Variants in STXBP5L observed in about 807,000 individuals in gnomAD.
STXBP5L encodes syntaxin binding protein 5L, also known as syntaxin-binding protein 5-like.
Under a neutral mutation model 144.5 loss-of-function variants are expected in STXBP5L, and 65 were observed. That is an observed-to-expected ratio of 0.45 (90% CI 0.37 to 0.55). STXBP5L has a LOEUF of 0.55. Ranked by LOEUF, STXBP5L falls within the 20% of genes least tolerant of loss-of-function variation. STXBP5L has a pLI of 0.00. For missense variants in STXBP5L, 1,298 were observed against 1,405.5 expected, an observed-to-expected ratio of 0.92 and a Z score of 1.22; for synonymous variants, 505 against 469.6, an observed-to-expected ratio of 1.08 and a Z score of -0.97.
chr3:121,000,485 C>G (rs1337864772), intron 3 of STXBP5L, among the ~76,000 whole-genome samples: 1 of 152,052 alleles, frequency 6.6e-6, no homozygotes, highest in East Asian at 1.9e-4. Context: ...TCTTAAATGG[C>G]TATTTCATCT....
intron 3 of STXBP5L, among the ~76,000 whole-genome samples, chr3:120,998,629 G>C (rs1488321841): frequency 6.6e-6 from 1 of 151,984 alleles, no homozygotes; most frequent in African/African-American, 2.4e-5. Flanking sequence ...GAGAACACGT[G>C]GTGTTTGGTT....
chr3:121,066,115 GCA>G (rs1311073709), intron 5 of STXBP5L, among the ~76,000 whole-genome samples: 3 of 152,108 alleles, frequency 2.0e-5, no homozygotes, highest in Admixed American at 1.3e-4. Flanking sequence ...CAGGTCCCGT[GCA>G]CACTCAAGGG....
chr3:121,081,700 C>T (rs1305053482), intron 5 of STXBP5L, among the ~76,000 whole-genome samples: 1 of 152,052 alleles, frequency 6.6e-6, no homozygotes, highest in Non-Finnish European at 1.5e-5. Flanking sequence ...GGTGGTATTC[C>T]TGGCTAGGCA....
chr3:121,012,026 A>G (rs924425285), intron 3 of STXBP5L, among the ~76,000 whole-genome samples: 2 of 152,050 alleles, frequency 1.3e-5, no homozygotes, highest in Non-Finnish European at 1.5e-5. Context: ...CTGTCTATAT[A>G]GATTTCCTTA....
intron 5 of STXBP5L, among the ~76,000 whole-genome samples, chr3:121,077,291 TTGG>T (rs1171486009): frequency 6.6e-6 from 1 of 152,036 alleles, no homozygotes; most frequent in African/African-American, 2.4e-5. Flanking sequence ...GTGTCCAGAA[TTGG>T]TGGGTTCTTG....
At chr3:120,983,309 G>T (rs1295270836) in intron 3 of STXBP5L, among the ~76,000 whole-genome samples, 1 of 152,084 alleles carries the variant, frequency 6.6e-6, no homozygotes, top group African/African-American at 2.4e-5. Flanking sequence ...TGTATATCGG[G>T]GCAGGCGTCT....
At chr3:121,308,898 G>A (rs968819965) in intron 19 of STXBP5L, among the ~76,000 whole-genome samples, 1 of 152,042 alleles carries the variant, frequency 6.6e-6, no homozygotes, top group Non-Finnish European at 1.5e-5. Flanking sequence ...TAACATTTCT[G>A]TATCTCACTG....
chr3:121,367,790 CTT>C (rs200992044), intron 20 of STXBP5L, among the ~76,000 whole-genome samples: 25 of 106,284 alleles, frequency 2.4e-4, no homozygotes, highest in Non-Finnish European at 2.6e-4. Flanking sequence ...TTTGCTTTTC[CTT>C]TTTTTTTTTT....
chr3:121,076,619 C>A (rs2042029728), intron 5 of STXBP5L, among the ~76,000 whole-genome samples: 1 of 152,086 alleles, frequency 6.6e-6, no homozygotes, highest in Non-Finnish European at 1.5e-5. Flanking sequence ...GGTGACCACC[C>A]AAAACACTCG....
intron 22 of STXBP5L, among the ~76,000 whole-genome samples, chr3:121,405,606 T>C (rs1016949750): frequency 3.0e-4 from 45 of 152,132 alleles, no homozygotes; most frequent in African/African-American, 1.0e-3. Flanking sequence ...TCCTAATTAA[T>C]TAAGATCTTA....
intron 3 of STXBP5L, among the ~76,000 whole-genome samples, chr3:120,960,953 T>A (rs1365193499): frequency 6.6e-6 from 1 of 152,104 alleles, no homozygotes; most frequent in Non-Finnish European, 1.5e-5. Context: ...GGTCTTGGGA[T>A]TTTCTTTGGT....
rs542281892 is a variant in STXBP5L, at chr3:120,979,189, G to A, written c.287+24152G>A. Among the ~76,000 whole-genome samples the A allele has an allele frequency of 2.0e-5, 3 of 152,334 alleles. No homozygotes were observed. In the South Asian group the frequency reaches 6.2e-4, roughly 32 times the overall value. ...GGCAGGCAGGCCTCCTTGAGCTGTGGTGGGCTTCCCCCAGTTGGAGCTTCC... is the reference window on the plus strand; with the variant it reads ...GGCAGGCAGGCCTCCTTGAGCTGTGATGGGCTTCCCCCAGTTGGAGCTTCC... On this transcript the variant is annotated intron_variant, in intron 3 of 26. Coordinates refer to ENST00000471454, the MANE Select transcript of STXBP5L (RefSeq NM_001308330.2).
chr3:120,928,951 G>A (rs1411881300), intron 2 of STXBP5L, among the ~76,000 whole-genome samples: 1 of 152,096 alleles, frequency 6.6e-6, no homozygotes, highest in Admixed American at 6.6e-5. Context: ...ACCCACCATC[G>A]TTTGTATTTG....
intron 3 of STXBP5L, among the ~76,000 whole-genome samples, chr3:120,968,548 A>G (rs1467322563): frequency 2.0e-5 from 3 of 152,186 alleles, no homozygotes; most frequent in Admixed American, 2.0e-4. Context: ...TTAAAAATCC[A>G]TTCAGCCACC....
At chr3:121,124,482 T>A (rs1011091325) in intron 7 of STXBP5L, among the ~76,000 whole-genome samples, 5 of 152,136 alleles carry the variant, frequency 3.3e-5, no homozygotes, top group Non-Finnish European at 7.4e-5. Context: ...TAAATTTTTT[T>A]ATAAAAGTCT....
At chr3:121,258,536 T>G (rs9875986) in intron 17 of STXBP5L, among the ~76,000 whole-genome samples, 15,460 of 152,142 alleles carry the variant, frequency 0.1, 1,035 homozygotes, top group Non-Finnish European at 0.15. Context: ...AAATTTTAGC[T>G]AGTGGATATA....
Position 121,028,991 on chromosome 3 carries a change from C to T in STXBP5L, c.288-12709C>T, listed in dbSNP as rs796279624. On this transcript the variant is annotated intron_variant, in intron 3 of 26. Coordinates refer to ENST00000471454, the MANE Select transcript of STXBP5L (RefSeq NM_001308330.2). ...ATACAAGGGATGTGAAGGACCTCTT[C>T]AAGACGAACTACAAACTACTGCTCA... is the stretch of plus-strand genomic sequence containing the variant. Among the ~76,000 whole-genome samples the T allele has an allele frequency of 2.6e-5, 4 of 152,202 alleles. No individual in the cohort carries two copies. The South Asian group carries it at 6.2e-4, about 24-fold the overall frequency.
At chr3:121,206,586 G>T (rs1329003611) in intron 10 of STXBP5L, among the ~76,000 whole-genome samples, 1 of 152,104 alleles carries the variant, frequency 6.6e-6, no homozygotes, top group Admixed American at 6.6e-5. Context: ...AAGGCGGGTG[G>T]ATCACCTGAG....
chr3:121,188,188 A>C (rs1482410206), intron 9 of STXBP5L, among the ~76,000 whole-genome samples: 1 of 152,160 alleles, frequency 6.6e-6, no homozygotes, highest in Non-Finnish European at 1.5e-5. Context: ...AAGTGGACCT[A>C]ATAGACATCT....
Sources: gnomAD v4.1 joint callset for allele counts (sites outside exome capture counted in the v4.1 genomes callset) on GRCh38, gnomAD v4.1.1 for gene constraint, MANE v1.5 for transcripts, NCBI Gene and HGNC (gene_info 2026-07-23, HGNC 2026-07-21) for gene names.